KAT6A: variants seen among roughly 807,000 people sequenced by gnomAD.
The protein encoded by KAT6A is histone acetyltransferase KAT6A.
Under a neutral mutation model 198.4 loss-of-function variants are expected in KAT6A, and 9 were observed. The ratio of observed to expected loss-of-function variants is 0.05; its 90% CI spans 0.03 to 0.08. KAT6A has a LOEUF of 0.08. Ranked by LOEUF, KAT6A falls within the 10% of genes least tolerant of loss-of-function variation. The pLI, the probability that KAT6A is intolerant of heterozygous loss-of-function variation, is 1.00. For missense variants in KAT6A, 2,077 were observed against 2,509.9 expected (o/e 0.83, Z 3.69); for synonymous variants, 890 against 883.0 (o/e 1.01, Z -0.14).
chr8:41,951,536 C>T (rs576427567), intron 9 of KAT6A, among the ~76,000 whole-genome samples: 3 of 152,308 alleles, frequency 2.0e-5, no homozygotes, highest in African/African-American at 7.2e-5. Context: ...AGTGATCTTC[C>T]TGGCAGGACC....
At chr8:41,995,715 T>C (rs1264109350) in intron 2 of KAT6A, among the ~76,000 whole-genome samples, 7 of 149,842 alleles carry the variant, frequency 4.7e-5, no homozygotes, top group Admixed American at 2.7e-4. Flanking sequence ...TTGCTCTTGT[T>C]GCCCAGGCGG....
At chr8:42,032,641 C>T (rs1313179319) in intron 2 of KAT6A, among the ~76,000 whole-genome samples, 1 of 152,080 alleles carries the variant, frequency 6.6e-6, no homozygotes, top group South Asian at 2.1e-4. Context: ...AGCAAATATT[C>T]AGTAGCAAAT....
At position 41,949,319 on chromosome 8, in the gene KAT6A, T is replaced by G; in HGVS notation, c.1643A>C (p.Lys548Thr). Residue 548 changes from lysine to threonine, a missense_variant, in exon 10 of 17, where the codon AAA becomes ACA. Lys to Thr is a moderately conservative substitution (Grantham distance 78, BLOSUM62 -1). Around this residue, in one of 13 missense-constraint regions of KAT6A, gnomAD observed 46 missense variants for 88.2 expected, o/e 0.52. Coordinates refer to ENST00000265713, the MANE Select transcript of KAT6A (RefSeq NM_006766.5). Reference sequence around the variant, plus strand: ...GTGCTGCTGCAGAATAGTTCTACTTTTCATATATTTTAGACAAAATTCACA... The same window carrying G: ...GTGCTGCTGCAGAATAGTTCTACTTGTCATATATTTTAGACAAAATTCACA... ...YLCEFCLKYMKSRTILQQHMK... is the reference protein window; with the variant it reads ...YLCEFCLKYMTSRTILQQHMK... 1 of 1,568,904 alleles carries G rather than the reference T, an allele frequency of 6.4e-7. No homozygotes were observed. The highest frequency in any genetic ancestry group is 8.6e-7 in the Non-Finnish European group (1 of 1,162,356).
rs369113574 is a variant in KAT6A, at chr8:41,983,543, T to C, written c.710-1589A>G. 1.7e-4 allele frequency among the ~76,000 whole-genome samples: 26 copies of C among 152,376 alleles called. No homozygotes were observed. In the East Asian group the frequency reaches 3.7e-3, roughly 21 times the overall value. On this transcript the variant is annotated intron_variant, in intron 3 of 16. Transcript: ENST00000265713. Reference sequence around the variant, plus strand: ...ACTGACTGATATACTATAACCTGCATGAACATTTCCCTATTGTTAAATACT... The same window carrying C: ...ACTGACTGATATACTATAACCTGCACGAACATTTCCCTATTGTTAAATACT...
In KAT6A at chr8:42,048,476, G is replaced by C. The variant is rs369777293; in HGVS notation, c.502C>G (p.Arg168Gly). The change falls in exon 2 of 17, where the codon CGG becomes GGG. Residue 168 changes from arginine (R) to glycine (G), a missense_variant. Arg to Gly is a moderately radical substitution (Grantham distance 125). Coordinates refer to ENST00000265713, the MANE Select transcript of KAT6A (RefSeq NM_006766.5). ...ACGTTGGTTGCTTTAGTGTTGAGCC[G>C]ATAAAGAGGTCCATCTTTAAGGAGT... ...GRLLKDGPLYRLNTKATNVDG... is the reference protein window; with the variant it reads ...GRLLKDGPLYGLNTKATNVDG... The C allele has an allele frequency of 1.2e-6, 2 of 1,614,086 alleles. No homozygotes were observed. Among genetic ancestry groups the C allele is most frequent in the African/African-American group, 1.3e-5 (1 of 75,034 alleles).
intron 2 of KAT6A, among the ~76,000 whole-genome samples, chr8:42,026,270 G>A (rs1020420635): frequency 1.3e-5 from 2 of 152,054 alleles, no homozygotes; most frequent in Middle Eastern, 3.2e-3. Flanking sequence ...TTGTGGTTCC[G>A]TAAAAATTTT....
intron 2 of KAT6A, among the ~76,000 whole-genome samples, chr8:42,024,144 C>T (rs934260981): frequency 5.9e-5 from 9 of 152,140 alleles, no homozygotes; most frequent in African/African-American, 2.2e-4. Context: ...CAGGTAGTTG[C>T]TTATAATCAA....
chr8:42,050,750 C>G (rs1339737112), intron 1 of KAT6A, among the ~76,000 whole-genome samples: 2 of 152,132 alleles, frequency 1.3e-5, no homozygotes, highest in Non-Finnish European at 2.9e-5. Context: ...CTGAGTTTAA[C>G]AAGCTGGGAA....
chr8:42,012,261 A>T (rs1429627256), intron 2 of KAT6A, among the ~76,000 whole-genome samples: 1 of 152,190 alleles, frequency 6.6e-6, no homozygotes, highest in Non-Finnish European at 1.5e-5. Context: ...GTATCTGCCC[A>T]AGTCAAATGA....
At chr8:42,011,180 T>A (rs922652211) in intron 2 of KAT6A, among the ~76,000 whole-genome samples, 3 of 152,172 alleles carry the variant, frequency 2.0e-5, no homozygotes, top group African/African-American at 7.2e-5. Context: ...TAGATTATAT[T>A]TTATTTTCTG....
intron 2 of KAT6A, among the ~76,000 whole-genome samples, chr8:42,005,346 A>AAC (rs1184554270): frequency 1.3e-5 from 2 of 152,240 alleles, no homozygotes; most frequent in Non-Finnish European, 2.9e-5. Context: ...CTACCTCCGT[A>AAC]ACAGTATAAA....
At chr8:41,971,199 A>G (rs1306101206) in intron 8 of KAT6A, among the ~76,000 whole-genome samples, 2 of 150,022 alleles carry the variant, frequency 1.3e-5, no homozygotes, top group African/African-American at 5.0e-5. Context: ...CGTTGTGCAC[A>G]TGTACCCTAA....
chr8:41,976,429 T>C (rs897704446), intron 7 of KAT6A, among the ~76,000 whole-genome samples: 4 of 152,234 alleles, frequency 2.6e-5, no homozygotes, highest in African/African-American at 9.6e-5. Flanking sequence ...ACAGATGTTT[T>C]CTACTTTGAA....
chr8:42,020,554 C>T (rs1056327628), intron 2 of KAT6A, among the ~76,000 whole-genome samples: 1 of 152,150 alleles, frequency 6.6e-6, no homozygotes, highest in Non-Finnish European at 1.5e-5. Context: ...CCCTAGTAAC[C>T]CCAGTACCTA....
At chr8:41,948,275 AC>A (rs1822494577) in intron 10 of KAT6A, among the ~76,000 whole-genome samples, 1 of 152,216 alleles carries the variant, frequency 6.6e-6, no homozygotes, top group Admixed American at 6.5e-5. Flanking sequence ...TCTAAATACA[AC>A]CCTTCTAAAA....
At chr8:41,975,270 C>T (rs991262503) in intron 7 of KAT6A, among the ~76,000 whole-genome samples, 13 of 152,060 alleles carry the variant, frequency 8.5e-5, no homozygotes, top group African/African-American at 2.9e-4. Context: ...AAAGTTAAAG[C>T]ACAAACTTTA....
intron 9 of KAT6A, among the ~76,000 whole-genome samples, chr8:41,949,942 T>C (rs1427405000): frequency 6.6e-6 from 1 of 152,226 alleles, no homozygotes. Flanking sequence ...AAACTGTCAT[T>C]CAATTCAGCA....
In KAT6A at chr8:41,941,306, T is replaced by C. The variant is rs1399914440; in HGVS notation, c.2575A>G (p.Asn859Asp). ...QVLPHDSLPA[N>D]SQPSRRGRWG... ...CGGCCCCTCCGAGATGGCTGGCTAT[T>C]TGCAGGAAGACTATCATGAGGAAGG... The change falls in exon 15 of 17, where the codon AAT becomes GAT. Residue 859 changes from asparagine (N) to aspartate (D), a missense_variant. Asn to Asp is a conservative substitution (Grantham distance 23, BLOSUM62 1). Coordinates refer to ENST00000265713, the MANE Select transcript of KAT6A (RefSeq NM_006766.5). 2 of 1,613,962 alleles carry C rather than the reference T, an allele frequency of 1.2e-6. No individual in the cohort carries two copies. The highest frequency in any genetic ancestry group is 1.3e-5 in the African/African-American group (1 of 74,926).
At chr8:42,023,325 T>C (rs999855843) in intron 2 of KAT6A, among the ~76,000 whole-genome samples, 1 of 152,106 alleles carries the variant, frequency 6.6e-6, no homozygotes, top group Non-Finnish European at 1.5e-5. Flanking sequence ...ACTGAACACC[T>C]AGGCTACACT....
Sources: gnomAD v4.1 joint callset for allele counts (sites outside exome capture counted in the v4.1 genomes callset) on GRCh38, gnomAD v4.1.1 for gene constraint, gnomAD v4.1.1 regional missense constraint, MANE v1.5 for transcripts, NCBI Gene and HGNC (gene_info 2026-07-23, HGNC 2026-07-21) for gene names.